NANOS3: variants seen among roughly 807,000 people sequenced by gnomAD.
The protein encoded by NANOS3 is nanos C2HC-type zinc finger 3.
NANOS3 carries 11 observed loss-of-function variants against 13.8 expected under a neutral mutation model. The observed-to-expected ratio is 0.80, with a 90% CI of 0.50 to 1.32. The LOEUF (loss-of-function observed/expected upper bound fraction) is 1.32, where lower values mean the gene tolerates loss of function less well. Among genes scored for constraint, NANOS3 ranks in the 40% most tolerant of loss-of-function variants. The pLI is 0.00. For synonymous variants in NANOS3, 119 were observed against 115.4 expected, an observed-to-expected ratio of 1.03 and a Z score of -0.20; for missense variants, 221 against 263.8, an observed-to-expected ratio of 0.84 and a Z score of 1.12.
upstream of NANOS3, among the ~76,000 whole-genome samples, chr19:13,874,304 A>T (rs1599302713): frequency 3.3e-5 from 5 of 152,264 alleles, no homozygotes; most frequent in South Asian, 1.0e-3. Flanking sequence ...ACGTTGCATC[A>T]ATGCCCTCGG....
At chr19:13,874,907 A>G (rs565645650), upstream of NANOS3, 13 of 527,936 alleles carry the variant, frequency 2.5e-5, no homozygotes, top group Admixed American at 1.2e-4. Context: ...CGAGGTCACA[A>G]TCAACATTCA....
At chr19:13,864,987 A>C (rs1976210260), upstream of NANOS3, among the ~76,000 whole-genome samples, 1 of 151,382 alleles carries the variant, frequency 6.6e-6, no homozygotes, top group Non-Finnish European at 1.5e-5. Context: ...GGCGCCTTTG[A>C]GGTCTGCGTG....
chr19:13,872,430 T>C (rs1382187667), upstream of NANOS3, among the ~76,000 whole-genome samples: 1 of 151,346 alleles, frequency 6.6e-6, no homozygotes, highest in African/African-American at 2.4e-5. Context: ...GCTCCAGCCA[T>C]CCTCCTGCCT....
chr19:13,877,136 G>A lies in NANOS3; in HGVS notation c.-113G>A. 1 of 911,256 alleles carries A rather than the reference G, an allele frequency of 1.1e-6. No homozygotes were observed. Among genetic ancestry groups the A allele is most frequent in the Admixed American group, 2.2e-5 (1 of 45,930 alleles). 56.4% of individuals were successfully genotyped at this position (911,256 alleles called of 1,614,324 possible). A position where few individuals can be genotyped will look rare whatever the true frequency, so the allele number is the denominator to read the frequency against. ...AGGGTCGGCCAGCACAGACTCCCAG[G>A]CTCCAGAGAGGGGAAGGAAGGGGCA... On this transcript the variant is annotated 5_prime_UTR_variant, in exon 1 of 2. Coordinates refer to ENST00000339133, the MANE Select transcript of NANOS3 (RefSeq NM_001098622.3).
upstream of NANOS3, among the ~76,000 whole-genome samples, chr19:13,876,443 A>G (rs1968514027): frequency 1.3e-5 from 2 of 152,212 alleles, no homozygotes; most frequent in African/African-American, 4.8e-5. Context: ...GACAGGCATG[A>G]GCCACCACTC....
In NANOS3 at chr19:13,877,785, G is replaced by C; in HGVS notation, c.517+20G>C. The C allele has an allele frequency of 6.5e-7, 1 of 1,536,500 alleles. No homozygotes were observed. The highest frequency in any genetic ancestry group is 8.7e-7 in the Non-Finnish European group (1 of 1,144,634). On this transcript the variant is annotated intron_variant, in intron 1 of 1. Transcript: ENST00000339133. Reference sequence around the variant, plus strand: ...GAGCAGGTGCCTGCACAGGTGGCTGGGGGGGACCTGTCCGAGGGTAGTGGC... The same window carrying C: ...GAGCAGGTGCCTGCACAGGTGGCTGCGGGGGACCTGTCCGAGGGTAGTGGC...
At chr19:13,865,845 C>G (rs528983512) in intron 1 of NANOS3, among the ~76,000 whole-genome samples, 1 of 99,286 alleles carries the variant, frequency 1.0e-5, no homozygotes, top group East Asian at 3.3e-4. Flanking sequence ...GGCCACGGGC[C>G]GGGGCGGCGG....
At chr19:13,866,566 C>T (rs1976244911) in intron 1 of NANOS3, among the ~76,000 whole-genome samples, 1 of 152,220 alleles carries the variant, frequency 6.6e-6, no homozygotes, top group African/African-American at 2.4e-5. Context: ...ACACGTCACC[C>T]ACAAGGGCTC....
chr19:13,876,074 C>G (rs1348316206), upstream of NANOS3, among the ~76,000 whole-genome samples: 1 of 152,192 alleles, frequency 6.6e-6, no homozygotes, highest in Non-Finnish European at 1.5e-5. Flanking sequence ...CAGGAAAGGG[C>G]TCCCTCCCCA....
At chr19:13,864,874 G>GC (rs1976208289), upstream of NANOS3, among the ~76,000 whole-genome samples, 1 of 151,938 alleles carries the variant, frequency 6.6e-6, no homozygotes, top group South Asian at 2.1e-4. Context: ...CGGCACGCCC[G>GC]CACGTCCCGC....
At chr19:13,871,986 G>C (rs985126337) in intron 1 of NANOS3, among the ~76,000 whole-genome samples, 4 of 147,576 alleles carry the variant, frequency 2.7e-5, no homozygotes, top group Non-Finnish European at 6.0e-5. Flanking sequence ...GCAACAGAGC[G>C]AGACCCCGTC....
chr19:13,867,057 C>G (rs1459152958), intron 1 of NANOS3, among the ~76,000 whole-genome samples: 1 of 152,168 alleles, frequency 6.6e-6, no homozygotes, highest in Non-Finnish European at 1.5e-5. Flanking sequence ...TCTCTTGCCT[C>G]AGCCTCCTGA....
chr19:13,870,053 T>C (rs1204929338), intron 1 of NANOS3, among the ~76,000 whole-genome samples: 2 of 143,264 alleles, frequency 1.4e-5, no homozygotes, highest in Non-Finnish European at 3.0e-5. Context: ...GTTCTTCAAC[T>C]ATTTTTTTTT....
chr19:13,865,633 C>T (rs1409944916), intron 1 of NANOS3, among the ~76,000 whole-genome samples: 1 of 148,456 alleles, frequency 6.7e-6, no homozygotes, highest in African/African-American at 2.5e-5. Context: ...GGGGAGGCCC[C>T]GGCGGCATCT....
chr19:13,880,363 A>T, intron 1 of NANOS3, 79 bp from the exon 2 acceptor site: 1 of 1,362,142 alleles, frequency 7.3e-7, no homozygotes, highest in Non-Finnish European at 1.0e-6. Flanking sequence ...GCAGGCCCGG[A>T]GGCCGAGTCC....
chr19:13,868,317 C>T (rs143521857), intron 1 of NANOS3, among the ~76,000 whole-genome samples: 2,326 of 152,032 alleles, frequency 0.015, 61 homozygotes, highest in African/African-American at 0.053. Flanking sequence ...CCTCGGTCTC[C>T]CAAAGTGCCG....
intron 1 of NANOS3, among the ~76,000 whole-genome samples, chr19:13,868,595 C>G (rs1263565912): frequency 6.6e-6 from 1 of 151,220 alleles, no homozygotes; most frequent in Non-Finnish European, 1.5e-5. Context: ...GCGGGAGGAT[C>G]GCTTTGAGCC....
intron 1 of NANOS3, among the ~76,000 whole-genome samples, chr19:13,871,556 A>G (rs1976327618): frequency 6.6e-6 from 1 of 152,116 alleles, no homozygotes; most frequent in Non-Finnish European, 1.5e-5. Context: ...ACAGGGAACA[A>G]CCTCCTTGGC....
chr19:13,868,006 A>G (rs1028998305), intron 1 of NANOS3, among the ~76,000 whole-genome samples: 1 of 151,952 alleles, frequency 6.6e-6, no homozygotes, highest in Non-Finnish European at 1.5e-5. Context: ...GCAGGCAGAA[A>G]TCCTGTCATC....
Sources: gnomAD v4.1 joint callset for allele counts (sites outside exome capture counted in the v4.1 genomes callset) on GRCh38, gnomAD v4.1.1 for gene constraint, MANE v1.5 for transcripts, NCBI Gene and HGNC (gene_info 2026-07-23, HGNC 2026-07-21) for gene names.